BCL9: variants seen among roughly 807,000 people sequenced by gnomAD.
The protein encoded by BCL9 is BCL9 transcription coactivator.
BCL9 carries 25 observed loss-of-function variants against 88.5 expected under a neutral mutation model. The observed-to-expected ratio is 0.28, with a 90% CI of 0.21 to 0.39. The LOEUF is 0.39. Ranked by LOEUF, BCL9 falls within the 10% of genes least tolerant of loss-of-function variation. BCL9 has a pLI of 1.00. For missense variants in BCL9, 1,817 were observed against 1,877.8 expected, an observed-to-expected ratio of 0.97 and a Z score of 0.60; for synonymous variants, 711 against 673.3, an observed-to-expected ratio of 1.06 and a Z score of -0.87.
At chr1:147,597,136 A>G (rs1461324248) in intron 1 of BCL9, among the ~76,000 whole-genome samples, 1 of 152,216 alleles carries the variant, frequency 6.6e-6, no homozygotes, top group Non-Finnish European at 1.5e-5. Context: ...CAAATCATTG[A>G]ACTTCTATGC....
At chr1:147,552,287 G>A (rs1654935380) in intron 1 of BCL9, among the ~76,000 whole-genome samples, 2 of 152,128 alleles carry the variant, frequency 1.3e-5, no homozygotes, top group South Asian at 2.1e-4. Context: ...TATAAAGGGT[G>A]ATATAAAGTA....
intron 9 of BCL9, among the ~76,000 whole-genome samples, chr1:147,623,295 G>A (rs1165751347): frequency 2.0e-5 from 3 of 152,020 alleles, no homozygotes; most frequent in African/African-American, 4.8e-5. Context: ...ATGTCCCAGG[G>A]ACTGTATTAG....
intron 1 of BCL9, among the ~76,000 whole-genome samples, chr1:147,545,087 C>T (rs1031274375): frequency 6.6e-5 from 10 of 152,034 alleles, no homozygotes; most frequent in Admixed American, 4.6e-4. Flanking sequence ...ATCATAGGTT[C>T]GATGCCTATA....
At chr1:147,576,333 C>T (rs1270517017) in intron 1 of BCL9, among the ~76,000 whole-genome samples, 2 of 152,144 alleles carry the variant, frequency 1.3e-5, no homozygotes, top group Non-Finnish European at 2.9e-5. Flanking sequence ...ATCAGTTTTG[C>T]ATATCTTTCT....
At chr1:147,622,794 TTTG>T (rs1658711035) in intron 9 of BCL9, among the ~76,000 whole-genome samples, 1 of 152,078 alleles carries the variant, frequency 6.6e-6, no homozygotes, top group Admixed American at 6.5e-5. Context: ...GTTTTGAGGG[TTTG>T]TTGTTTTTGT....
chr1:147,619,698 C>T lies in BCL9; in HGVS notation c.1543C>T (p.Pro515Ser). The T allele has an allele frequency of 1.2e-6, 2 of 1,614,028 alleles. No individual in the cohort carries two copies. The highest frequency in any genetic ancestry group is 2.2e-5 in the South Asian group (2 of 91,082). Residue 515 changes from proline to serine, a missense_variant, in exon 8 of 10, where the codon CCC becomes TCC. Pro to Ser is a moderately conservative substitution (Grantham distance 74, BLOSUM62 -1). Around this residue, in one of 2 missense-constraint regions of BCL9, gnomAD observed 1,228 missense variants for 1,191.6 expected, o/e 1.03. Coordinates refer to ENST00000234739, the MANE Select transcript of BCL9 (RefSeq NM_004326.4). The surrounding 1 kb of genome is among the most constrained non-coding windows in gnomAD (Gnocchi z 4.1). ...GCCTCGGGGAGTGGTCCGAGGACCC[C>T]CCCCTCCATACCAGATGACCCCTAG... ...HGPRGVVRGPPPPYQMTPSEG... is the reference protein window; with the variant it reads ...HGPRGVVRGPSPPYQMTPSEG...
chr1:147,562,014 G>A (rs1409351676), intron 1 of BCL9, among the ~76,000 whole-genome samples: 1 of 152,204 alleles, frequency 6.6e-6, no homozygotes, highest in Admixed American at 6.5e-5. Context: ...ATGTGGAGAG[G>A]ATAGAGAAGA....
chr1:147,616,490 G>A (rs186854660), intron 7 of BCL9, among the ~76,000 whole-genome samples: 4 of 152,230 alleles, frequency 2.6e-5, no homozygotes, highest in East Asian at 1.9e-4. Context: ...TACAGTGGCC[G>A]GGCGTGGTGG....
chr1:147,578,122 T>A (rs191774234), intron 1 of BCL9, among the ~76,000 whole-genome samples: 37 of 152,278 alleles, frequency 2.4e-4, no homozygotes, highest in African/African-American at 8.7e-4. Flanking sequence ...TTTCCAAAAG[T>A]CTGCCTTTCT....
At position 147,620,995 on chromosome 1, in the gene BCL9, C is replaced by A; in HGVS notation, c.2840C>A (p.Pro947His). Residue 947 changes from proline to histidine, a missense_variant, in exon 8 of 10, where the codon CCT (proline) becomes CAT (histidine). Coordinates refer to ENST00000234739, the MANE Select transcript of BCL9 (RefSeq NM_004326.4). ...PKPPLQSPGI[P>H]PNHKAPLTMA... Reference sequence around the variant, plus strand: ...CCTCCCCTTCAGAGTCCTGGGATCCCTCCAAACCATAAAGCACCCCTCACC... The same window carrying A: ...CCTCCCCTTCAGAGTCCTGGGATCCATCCAAACCATAAAGCACCCCTCACC... 6.2e-7 allele frequency: 1 copy of A among 1,614,196 alleles called. No individual in the cohort carries two copies.
chr1:147,621,071 C>G lies in BCL9; in HGVS notation c.2902+14C>G. 1 of 1,603,034 alleles carries G rather than the reference C, an allele frequency of 6.2e-7. No homozygotes were observed. The highest frequency in any genetic ancestry group is 8.5e-7 in the Non-Finnish European group (1 of 1,174,812). On this transcript the variant is annotated intron_variant, in intron 8 of 9. Coordinates refer to ENST00000234739, the MANE Select transcript of BCL9 (RefSeq NM_004326.4). The stretch of plus-strand genomic sequence containing the variant: ...ATGTAGAGTCAGGTCAGTATGCTTG[C>G]ATCCTCACAGTTGCACCTAGTAGCT...
At chr1:147,623,738 T>C in intron 9 of BCL9, 104 bp from the exon 10 acceptor site, 1 of 1,303,640 alleles carries the variant, frequency 7.7e-7, no homozygotes, top group Non-Finnish European at 1.1e-6. Flanking sequence ...CCCAGCATTA[T>C]ACTATGCACA....
rs587719278 is a variant in BCL9 at position 147,614,666 on chromosome 1, T to C, written c.560+50T>C. The C allele has an allele frequency of 1.2e-5, 18 of 1,496,164 alleles. No homozygotes were observed. The African/African-American group carries it at 2.0e-4, about 16-fold the overall frequency. The allele number at this position is 1,496,164 out of a possible 1,614,324, so 92.7% of individuals were successfully genotyped here. On this transcript the variant is annotated intron_variant, in intron 6 of 9. Coordinates refer to ENST00000234739, the MANE Select transcript of BCL9 (RefSeq NM_004326.4). The stretch of plus-strand genomic sequence containing the variant: ...GTTGGGCAGGGCTTGTCTGGGGACC[T>C]AAATTCTTATTCCCATTGCAGATTG...
intron 1 of BCL9, among the ~76,000 whole-genome samples, chr1:147,603,964 A>T (rs1177418253): frequency 6.6e-6 from 1 of 152,228 alleles, no homozygotes; most frequent in Non-Finnish European, 1.5e-5. Flanking sequence ...TAATTGTAAC[A>T]GTATGTTTCT....
At chr1:147,562,256 G>C (rs1004894300) in intron 1 of BCL9, among the ~76,000 whole-genome samples, 1 of 152,238 alleles carries the variant, frequency 6.6e-6, no homozygotes, top group African/African-American at 2.4e-5. Flanking sequence ...TTGAACTCAG[G>C]AGGCAGAGAT....
Position 147,609,061 on chromosome 1 carries a change from G to A in BCL9, c.-260+2195G>A, listed in dbSNP as rs782695114. Among the ~76,000 whole-genome samples, 10 of 152,280 alleles carry A rather than the reference G, an allele frequency of 6.6e-5. No individual in the cohort carries two copies. The East Asian group carries it at 7.7e-4, about 12-fold the overall frequency. The stretch of plus-strand genomic sequence containing the variant: ...TACTCAGAACAATGCATGGCACATA[G>A]TAAAAATTTTAAGTACTAATTTAAG... On this transcript the variant is annotated intron_variant, in intron 3 of 9. Coordinates refer to ENST00000234739, the MANE Select transcript of BCL9 (RefSeq NM_004326.4).
intron 1 of BCL9, among the ~76,000 whole-genome samples, chr1:147,583,660 TA>T (rs1180220517): frequency 6.6e-6 from 1 of 152,036 alleles, no homozygotes; most frequent in Non-Finnish European, 1.5e-5. Context: ...ATTCAATTTT[TA>T]AAAATTTTTG....
chr1:147,581,362 C>T, intron 1 of BCL9, among the ~76,000 whole-genome samples: 1 of 152,308 alleles, frequency 6.6e-6, no homozygotes, highest in African/African-American at 2.4e-5. Flanking sequence ...CTTAAGGGAA[C>T]CCTCTGTTTT....
rs782202906 is a variant in BCL9, at chr1:147,619,162, T to C, written c.1007T>C (p.Val336Ala). The change falls in exon 8 of 10, where the codon GTG (valine) becomes GCG (alanine). Residue 336 changes from valine to alanine, a missense_variant. This residue lies in a region of BCL9 where 1,228 missense variants were observed against 1,191.6 expected (regional missense o/e 1.03). Coordinates refer to ENST00000234739, the MANE Select transcript of BCL9 (RefSeq NM_004326.4). The surrounding 1 kb of genome is among the most constrained non-coding windows in gnomAD (Gnocchi z 4.1). ...ADPKAPPPPP[V>A]SSGEPPTLGE... ...CCCAAAGCCCCTCCGCCTCCACCAG[T>C]GTCCAGTGGCGAGCCCCCCACACTG... 16 of 1,612,904 alleles carry C rather than the reference T, an allele frequency of 9.9e-6. No homozygotes were observed. In the South Asian group the frequency reaches 1.6e-4, roughly 17 times the overall value.
Sources: gnomAD v4.1 joint callset for allele counts (sites outside exome capture counted in the v4.1 genomes callset) on GRCh38, gnomAD v4.1.1 for gene constraint, gnomAD v4.1.1 regional missense constraint, Gnocchi (gnomAD v3.1) non-coding constraint, MANE v1.5 for transcripts, NCBI Gene and HGNC (gene_info 2026-07-23, HGNC 2026-07-21) for gene names.